Variants in C1orf159 observed in about 807,000 individuals in gnomAD.
C1orf159 encodes chromosome 1 open reading frame 159.
Under a neutral mutation model 25.6 loss-of-function variants are expected in C1orf159, and 19 were observed. That is an observed-to-expected ratio of 0.74 (90% CI 0.52 to 1.09). The LOEUF (loss-of-function observed/expected upper bound fraction) is 1.09, where lower values mean the gene tolerates loss of function less well. Among genes scored for constraint, C1orf159 ranks in the 50% least tolerant of loss-of-function variants. C1orf159 has a pLI of 0.00. For synonymous variants in C1orf159, 139 were observed against 124.7 expected (o/e 1.12, Z -0.77); for missense variants, 274 against 290.6 (o/e 0.94, Z 0.42).
At chr1:1,085,446 G>A (rs1032805743) in intron 7 of C1orf159, 59 of 284,602 alleles carry the variant, frequency 2.1e-4, no homozygotes, top group African/African-American at 7.3e-4. Context: ...ACGGCGTGGC[G>A]TAGGCTGGGG....
intron 1 of C1orf159, among the ~76,000 whole-genome samples, chr1:1,102,603 CCT>C (rs1216726688): frequency 5.9e-5 from 7 of 119,424 alleles, no homozygotes; most frequent in Admixed American, 9.7e-5. Context: ...ATAGCGAAAC[CCT>C]GTCTCTACTA....
intron 1 of C1orf159, among the ~76,000 whole-genome samples, chr1:1,102,071 CAAAAAAAAAAAA>C (rs1237729417): frequency 1.0e-4 from 4 of 39,978 alleles, no homozygotes; most frequent in Middle Eastern, 0.026. Context: ...AACTCTGTCT[CAAAAAAAAAAAA>C]AAAAAAAAAA....
chr1:1,092,861 C>G (rs1179159277), intron 1 of C1orf159: 1 of 152,282 alleles, frequency 6.6e-6, no homozygotes, highest in African/African-American at 2.4e-5. Context: ...GTTGGAGACC[C>G]ACCTGGGCAA....
At position 1,087,491 on chromosome 1, in the gene C1orf159, G is replaced by A. The variant is rs1343456871; in HGVS notation, c.244+11C>T. 1 of 1,544,368 alleles carries A rather than the reference G, an allele frequency of 6.5e-7. No individual in the cohort carries two copies. The highest frequency in any genetic ancestry group is 1.2e-5 in the South Asian group (1 of 83,886). ...GTGAGAAGGGAGCCGGGGGGAGCCGGGCAGACCTACAGCTTCTACACTCGG... is the reference window on the plus strand; with the variant it reads ...GTGAGAAGGGAGCCGGGGGGAGCCGAGCAGACCTACAGCTTCTACACTCGG... On this transcript the variant is annotated intron_variant, in intron 5 of 9. Transcript: ENST00000421241. This position sits in a 1 kb window ranked among gnomAD's most constrained non-coding sequence, Gnocchi z 8.3.
In C1orf159 at chr1:1,091,306, C is replaced by G. The variant is rs946812679; in HGVS notation, c.72+166G>C. On this transcript the variant is annotated intron_variant, in intron 3 of 9. Transcript: ENST00000421241. Reference sequence around the variant, plus strand: ...GCAGGCAGCGGAGGGCTCCCCTCTGCGAGGCACAGGCCCCTCTGACCCCAG... The same window carrying G: ...GCAGGCAGCGGAGGGCTCCCCTCTGGGAGGCACAGGCCCCTCTGACCCCAG... 5 of 758,628 alleles carry G rather than the reference C, an allele frequency of 6.6e-6. No individual in the cohort carries two copies. In the African/African-American group the frequency reaches 8.7e-5, roughly 13 times the overall value. 47.0% of individuals were successfully genotyped at this position (758,628 alleles called of 1,614,324 possible). A position where few individuals can be genotyped will look rare whatever the true frequency, so the allele number is the denominator to read the frequency against.
At chr1:1,103,051 C>G (rs943342041) in intron 1 of C1orf159, among the ~76,000 whole-genome samples, 3 of 152,018 alleles carry the variant, frequency 2.0e-5, no homozygotes, top group African/African-American at 7.2e-5. Context: ...CCATGTTGGT[C>G]AGGCTTGTCT....
chr1:1,098,323 C>T (rs1317536502), intron 1 of C1orf159, among the ~76,000 whole-genome samples: 1 of 152,192 alleles, frequency 6.6e-6, no homozygotes, highest in Non-Finnish European at 1.5e-5. Context: ...CCCACCTCGA[C>T]CTCCCAAAGT....
chr1:1,091,664 G>A (rs578221188), intron 2 of C1orf159, 99 bp from the exon 3 acceptor site: 3 of 860,052 alleles, frequency 3.5e-6, no homozygotes, highest in African/African-American at 3.4e-5. Flanking sequence ...TGTTGGGGGG[G>A]TGCGGGCCAA....
intron 1 of C1orf159, among the ~76,000 whole-genome samples, chr1:1,112,109 C>T (rs913404882): frequency 2.0e-5 from 3 of 152,186 alleles, no homozygotes; most frequent in African/African-American, 7.2e-5. Context: ...AATGTCAGGC[C>T]ACCATCAGGT....
At chr1:1,115,698 C>A (rs1245668422) in intron 1 of C1orf159, among the ~76,000 whole-genome samples, 1 of 99,090 alleles carries the variant, frequency 1.0e-5, no homozygotes, top group African/African-American at 4.1e-5. Context: ...CAGGGACCCC[C>A]CCTCCCCGCT....
At chr1:1,090,235 C>G in intron 4 of C1orf159, 118 bp downstream of exon 4, 1 of 1,059,178 alleles carries the variant, frequency 9.4e-7, no homozygotes, top group East Asian at 2.6e-5. Flanking sequence ...CCCATCCACT[C>G]CCCAGGTCCC....
At chr1:1,088,389 A>G (rs1400735028) in intron 4 of C1orf159, among the ~76,000 whole-genome samples, 2 of 101,216 alleles carry the variant, frequency 2.0e-5, no homozygotes, top group Non-Finnish European at 3.7e-5. Flanking sequence ...GCTGCCTCGC[A>G]CCCCGTGTTC....
At chr1:1,090,017 A>G (rs1227574359) in intron 4 of C1orf159, among the ~76,000 whole-genome samples, 2 of 152,182 alleles carry the variant, frequency 1.3e-5, no homozygotes, top group Non-Finnish European at 2.9e-5. Flanking sequence ...GCTTTGCCAG[A>G]GGCCCCTGGA....
At chr1:1,088,454 C>G (rs925241690) in intron 4 of C1orf159, among the ~76,000 whole-genome samples, 1 of 147,742 alleles carries the variant, frequency 6.8e-6, no homozygotes, top group Non-Finnish European at 1.5e-5. Flanking sequence ...GCCTCCTGCC[C>G]CAAGCTGATC....
intron 1 of C1orf159, among the ~76,000 whole-genome samples, chr1:1,101,622 C>T (rs992015018): frequency 6.6e-6 from 1 of 151,978 alleles, no homozygotes; most frequent in African/African-American, 2.4e-5. Context: ...GGCTCAGGGT[C>T]CGTCGGCTCA....
intron 1 of C1orf159, chr1:1,106,617 A>G (rs1646174025): frequency 6.6e-6 from 1 of 152,306 alleles, no homozygotes; most frequent in South Asian, 2.1e-4. Flanking sequence ...TGTCTTAGTG[A>G]AAGGTGACAA....
chr1:1,085,829 C>T (rs1418771657), intron 7 of C1orf159, 49 bp downstream of exon 7: 4 of 1,603,078 alleles, frequency 2.5e-6, no homozygotes, highest in Non-Finnish European at 3.4e-6. Flanking sequence ...CGGCTGGATG[C>T]CGCCTGCCCT....
At chr1:1,085,793 A>T in intron 7 of C1orf159, 85 bp downstream of exon 7, 1 of 1,523,900 alleles carries the variant, frequency 6.6e-7, no homozygotes, top group Non-Finnish European at 8.9e-7. Flanking sequence ...CTGGCCTGGG[A>T]CACTCCAGTC....
At chr1:1,101,830 A>G (rs577414974) in intron 1 of C1orf159, among the ~76,000 whole-genome samples, 1 of 152,168 alleles carries the variant, frequency 6.6e-6, no homozygotes, top group Non-Finnish European at 1.5e-5. Context: ...CCAGCACTTT[A>G]GGAAGCTGAG....
Sources: gnomAD v4.1 joint callset for allele counts (sites outside exome capture counted in the v4.1 genomes callset) on GRCh38, gnomAD v4.1.1 for gene constraint, Gnocchi (gnomAD v3.1) non-coding constraint, MANE v1.5 for transcripts, NCBI Gene and HGNC (gene_info 2026-07-23, HGNC 2026-07-21) for gene names.